Variants in BTBD9 observed in about 807,000 individuals in gnomAD.
BTBD9 encodes BTB/POZ domain-containing protein 9.
Under a neutral mutation model 64.3 loss-of-function variants are expected in BTBD9, and 49 were observed. That is an observed-to-expected ratio of 0.76 (90% CI 0.61 to 0.97). BTBD9 has a LOEUF of 0.97. BTBD9 is among the 50% of genes least tolerant of loss of function. The pLI is 0.00. For synonymous variants in BTBD9, 260 were observed against 274.7 expected, an observed-to-expected ratio of 0.95 and a Z score of 0.53; for missense variants, 598 against 762.1, an observed-to-expected ratio of 0.78 and a Z score of 2.53.
At chr6:38,530,597 T>C (rs914442728) in intron 6 of BTBD9, among the ~76,000 whole-genome samples, 3 of 97,318 alleles carry the variant, frequency 3.1e-5, no homozygotes, top group South Asian at 2.7e-4. Flanking sequence ...CATTGAAATA[T>C]TGGGGGTGGG....
intron 6 of BTBD9, among the ~76,000 whole-genome samples, chr6:38,502,075 T>G (rs1216147865): frequency 6.6e-6 from 1 of 152,178 alleles, no homozygotes; most frequent in Non-Finnish European, 1.5e-5. Context: ...CTGGTTTCTA[T>G]TGTCAAGAAC....
intron 1 of BTBD9, among the ~76,000 whole-genome samples, chr6:38,622,400 T>A (rs1264466293): frequency 6.6e-6 from 1 of 152,222 alleles, no homozygotes; most frequent in African/African-American, 2.4e-5. Context: ...AAATAATTCC[T>A]AGATTTGGGC....
chr6:38,289,595 C>T (rs1389064820), intron 7 of BTBD9, among the ~76,000 whole-genome samples: 1 of 152,154 alleles, frequency 6.6e-6, no homozygotes, highest in Admixed American at 6.5e-5. Context: ...TGATCTGAGA[C>T]CTGGTACCAA....
At chr6:38,198,591 A>G (rs983349765) in intron 9 of BTBD9, among the ~76,000 whole-genome samples, 91 of 152,300 alleles carry the variant, frequency 6.0e-4, no homozygotes, top group Middle Eastern at 3.4e-3. Flanking sequence ...CTGGAAAACT[A>G]TGTGACTCTA....
At chr6:38,595,126 A>G (rs1456324738) in intron 2 of BTBD9, among the ~76,000 whole-genome samples, 2 of 152,240 alleles carry the variant, frequency 1.3e-5, no homozygotes, top group East Asian at 3.8e-4. Flanking sequence ...TTGCAGATCC[A>G]TATGTACTGC....
intron 8 of BTBD9, among the ~76,000 whole-genome samples, chr6:38,285,415 G>T (rs1008333729): frequency 1.3e-5 from 2 of 151,998 alleles, no homozygotes; most frequent in Non-Finnish European, 2.9e-5. Flanking sequence ...ATGAGATGGG[G>T]AATCATGACA....
intron 1 of BTBD9, among the ~76,000 whole-genome samples, chr6:38,623,471 A>G (rs1778067766): frequency 6.6e-6 from 1 of 152,196 alleles, no homozygotes; most frequent in Non-Finnish European, 1.5e-5. Context: ...TCCTTACTCT[A>G]CAATCCCAAA....
chr6:38,179,573 C>T, intron 10 of BTBD9: 1 of 456,742 alleles, frequency 2.2e-6, no homozygotes, highest in Non-Finnish European at 4.4e-6. Flanking sequence ...GGTGCGCCCA[C>T]AGCGCAGCTC....
chr6:38,545,551 G>A (rs936711674), intron 6 of BTBD9, among the ~76,000 whole-genome samples: 2 of 151,842 alleles, frequency 1.3e-5, no homozygotes, highest in African/African-American at 4.8e-5. Context: ...AGGCGGAGGT[G>A]GGCAAATCAC....
At chr6:38,379,755 A>G (rs546164894) in intron 6 of BTBD9, among the ~76,000 whole-genome samples, 18 of 152,356 alleles carry the variant, frequency 1.2e-4, no homozygotes, top group African/African-American at 4.1e-4. Context: ...CATACCACAT[A>G]TGCTCGGATA....
In BTBD9 at chr6:38,599,693, C is replaced by T. The variant is rs147759611; in HGVS notation, c.-27-1572G>A. 1.6e-3 allele frequency among the ~76,000 whole-genome samples: 243 copies of T among 152,316 alleles called. 1 individual carries two copies. The highest frequency in any genetic ancestry group is 0.013 in the South Asian group (61 of 4,830). ...GAACAGCTCTTAATCTTTAAACTCC[C>T]ACATCCAGATCATTATTAGCAAGGT... On this transcript the variant is annotated intron_variant, in intron 1 of 10. Transcript: ENST00000481247.
At position 38,184,114 on chromosome 6, in the gene BTBD9, T is replaced by C. The variant is rs538276018; in HGVS notation, c.1641+8405A>G. On this transcript the variant is annotated intron_variant, in intron 10 of 10. Coordinates refer to ENST00000481247, the MANE Select transcript of BTBD9 (RefSeq NM_001099272.2). This position sits in a 1 kb window ranked among gnomAD's most constrained non-coding sequence, Gnocchi z 4.4. Reference sequence around the variant, plus strand: ...ATCCACCCACAGTCCCTGCAGCCTGTTGTATGAGATGCTGTGTTTGCTTAC... The same window carrying C: ...ATCCACCCACAGTCCCTGCAGCCTGCTGTATGAGATGCTGTGTTTGCTTAC... Among the ~76,000 whole-genome samples the C allele has an allele frequency of 6.6e-6, 1 of 152,312 alleles. No individual in the cohort carries two copies. Among genetic ancestry groups the C allele is most frequent in the South Asian group, 2.1e-4 (1 of 4,818 alleles).
intron 6 of BTBD9, among the ~76,000 whole-genome samples, chr6:38,430,716 T>C (rs1768406231): frequency 6.6e-6 from 1 of 151,714 alleles, no homozygotes; most frequent in African/African-American, 2.4e-5. Flanking sequence ...GGTCTCCCTA[T>C]GTTGACCAGG....
chr6:38,289,039 C>A (rs1231319811), intron 7 of BTBD9, among the ~76,000 whole-genome samples: 1 of 152,020 alleles, frequency 6.6e-6, no homozygotes, highest in African/African-American at 2.4e-5. Context: ...GAGCTATATA[C>A]ATAAAACTAA....
chr6:38,382,030 A>G (rs1045566117), intron 6 of BTBD9, among the ~76,000 whole-genome samples: 5 of 152,212 alleles, frequency 3.3e-5, no homozygotes, highest in African/African-American at 1.2e-4. Context: ...ATGAAAATCA[A>G]CTAAAGTACT....
chr6:38,278,579 T>C (rs1386177129), intron 8 of BTBD9, among the ~76,000 whole-genome samples: 1 of 152,202 alleles, frequency 6.6e-6, no homozygotes, highest in African/African-American at 2.4e-5. Flanking sequence ...AGTTTTACCA[T>C]GGGTTGTGTT....
At chr6:38,621,473 G>A (rs111854348) in intron 1 of BTBD9, among the ~76,000 whole-genome samples, 32,291 of 152,144 alleles carry the variant, frequency 0.21, 4,107 homozygotes, top group Non-Finnish European at 0.3. Flanking sequence ...AATGGGATGC[G>A]AAGGGCAGGT....
intron 6 of BTBD9, among the ~76,000 whole-genome samples, chr6:38,392,962 C>T (rs1340493552): frequency 6.6e-6 from 1 of 150,778 alleles, no homozygotes; most frequent in Non-Finnish European, 1.5e-5. Context: ...GCAACCTCCA[C>T]CTCTCAGGTT....
chr6:38,606,262 T>C (rs1262089349), intron 1 of BTBD9, among the ~76,000 whole-genome samples: 1 of 152,184 alleles, frequency 6.6e-6, no homozygotes, highest in Non-Finnish European at 1.5e-5. Flanking sequence ...TGTGATCGTG[T>C]GAGTCAATAC....
Sources: gnomAD v4.1 joint callset for allele counts (sites outside exome capture counted in the v4.1 genomes callset) on GRCh38, gnomAD v4.1.1 for gene constraint, Gnocchi (gnomAD v3.1) non-coding constraint, MANE v1.5 for transcripts, NCBI Gene and HGNC (gene_info 2026-07-23, HGNC 2026-07-21) for gene names.